Variants in SLC39A11 observed in about 807,000 individuals in gnomAD.
SLC39A11 encodes solute carrier family 39 member 11.
In SLC39A11, 33 loss-of-function variants were observed where a neutral mutation model predicts 36.1. That is an observed-to-expected ratio of 0.91 (90% CI 0.69 to 1.22). The LOEUF is 1.22. SLC39A11 is among the 50% of genes most tolerant of loss of function. The pLI is 0.00. For synonymous variants in SLC39A11, 166 were observed against 170.3 expected, an observed-to-expected ratio of 0.97 and a Z score of 0.20; for missense variants, 432 against 430.3, an observed-to-expected ratio of 1.00 and a Z score of -0.03.
At chr17:73,014,307 C>A (rs1267225001) in intron 4 of SLC39A11, among the ~76,000 whole-genome samples, 2 of 152,154 alleles carry the variant, frequency 1.3e-5, no homozygotes, top group Admixed American at 6.6e-5. Context: ...CACTCCCTAT[C>A]CCGGTGCAAT....
intron 6 of SLC39A11, among the ~76,000 whole-genome samples, chr17:72,845,007 A>T (rs1048071409): frequency 6.6e-6 from 1 of 152,054 alleles, no homozygotes; most frequent in African/African-American, 2.4e-5. Flanking sequence ...TCCACCTTCA[A>T]TCGGGACCCA....
At chr17:72,945,490 A>G (rs1227605902) in intron 5 of SLC39A11, among the ~76,000 whole-genome samples, 1 of 152,174 alleles carries the variant, frequency 6.6e-6, no homozygotes, top group African/African-American at 2.4e-5. Context: ...CCAGTTATCA[A>G]ATAGCCATTA....
intron 5 of SLC39A11, among the ~76,000 whole-genome samples, chr17:72,914,104 C>T (rs1471625961): frequency 3.3e-5 from 5 of 151,386 alleles, no homozygotes; most frequent in Non-Finnish European, 7.4e-5. Context: ...CACCTGAGAT[C>T]AGGAGATCAA....
intron 4 of SLC39A11, among the ~76,000 whole-genome samples, chr17:73,004,163 AAAAG>A (rs1268703786): frequency 0.02 from 1,978 of 100,254 alleles, 57 homozygotes; most frequent in African/African-American, 0.035. Context: ...AAGAAGGAAA[AAAAG>A]AAAGAAAGAA....
At chr17:72,797,061 T>C (rs977242028) in intron 6 of SLC39A11, among the ~76,000 whole-genome samples, 1 of 152,118 alleles carries the variant, frequency 6.6e-6, no homozygotes, top group East Asian at 1.9e-4. Context: ...AACAGTGTTG[T>C]AGCTTGAAAG....
At chr17:72,674,972 A>T (rs2071188614) in intron 7 of SLC39A11, among the ~76,000 whole-genome samples, 1 of 129,574 alleles carries the variant, frequency 7.7e-6, no homozygotes. Flanking sequence ...TTGGAAAAAA[A>T]AGTGTGTGTG....
chr17:72,696,879 G>A (rs2144512420), intron 7 of SLC39A11, among the ~76,000 whole-genome samples: 1 of 152,184 alleles, frequency 6.6e-6, no homozygotes, highest in East Asian at 1.9e-4. Context: ...ATCAGCTTGC[G>A]GTTACAAGCG....
At chr17:72,936,319 A>G (rs968278168) in intron 5 of SLC39A11, among the ~76,000 whole-genome samples, 7 of 148,096 alleles carry the variant, frequency 4.7e-5, no homozygotes, top group Non-Finnish European at 8.9e-5. Context: ...AGTGTGGCTT[A>G]TACTAATGAA....
intron 3 of SLC39A11, chr17:73,068,269 G>T: frequency 1.4e-6 from 1 of 700,644 alleles, no homozygotes; most frequent in East Asian, 2.5e-5. Context: ...GCTGCAACAT[G>T]GACTGCGGCT....
At chr17:72,740,481 T>C (rs1255808661) in intron 6 of SLC39A11, among the ~76,000 whole-genome samples, 2 of 152,198 alleles carry the variant, frequency 1.3e-5, no homozygotes, top group East Asian at 3.8e-4. Flanking sequence ...GTTGTGTGTC[T>C]GAAATGGTAG....
At chr17:72,744,507 G>T (rs1269088884) in intron 6 of SLC39A11, among the ~76,000 whole-genome samples, 1 of 152,164 alleles carries the variant, frequency 6.6e-6, no homozygotes, top group African/African-American at 2.4e-5. Flanking sequence ...TAAAAAACAA[G>T]TGTTTTCTTT....
intron 3 of SLC39A11, among the ~76,000 whole-genome samples, chr17:73,081,668 C>CATATATAT (rs1568242880): frequency 2.9e-4 from 19 of 65,010 alleles, no homozygotes; most frequent in South Asian, 1.6e-3. Flanking sequence ...CACACACACA[C>CATATATAT]ACATATATAT....
intron 7 of SLC39A11, among the ~76,000 whole-genome samples, chr17:72,710,965 C>G (rs1232122623): frequency 1.3e-5 from 2 of 152,220 alleles, no homozygotes; most frequent in African/African-American, 4.8e-5. Flanking sequence ...CAATTCCAAT[C>G]ACATCCTCCC....
In SLC39A11 at chr17:72,665,389, GTT is replaced by G. The variant is rs780329919; in HGVS notation, c.672-16123_672-16122del. ...GGTTTAAGCCACCAAGTTTTGAGGT[GTT>G]TTTTTTTTTTTTTTTTTTTGAGACA... On this transcript the variant is annotated intron_variant, in intron 7 of 9. Transcript: ENST00000255559. Among the ~76,000 whole-genome samples the G allele has an allele frequency of 5.7e-3, 438 of 76,616 alleles. 8 individuals carry two copies. The highest frequency in any genetic ancestry group is 0.02 in the African/African-American group (368 of 18,818). 50.3% of individuals were successfully genotyped at this position (76,616 alleles called of 152,430 possible).
chr17:72,716,265 C>G (rs1020332846), intron 7 of SLC39A11, among the ~76,000 whole-genome samples: 27 of 151,994 alleles, frequency 1.8e-4, no homozygotes, highest in Admixed American at 1.5e-3. Context: ...TGGAATTACA[C>G]GGAAGAAAGG....
intron 4 of SLC39A11, among the ~76,000 whole-genome samples, chr17:72,994,279 A>G (rs11651356): frequency 0.54 from 82,828 of 152,010 alleles, 24,012 homozygotes; most frequent in Middle Eastern, 0.76. Flanking sequence ...AATGATGTGG[A>G]TAAATTTTAT....
intron 7 of SLC39A11, among the ~76,000 whole-genome samples, chr17:72,696,249 G>A (rs183812458): frequency 1.4e-3 from 213 of 152,144 alleles, no homozygotes; most frequent in African/African-American, 4.7e-3. Context: ...GCATGGCAAA[G>A]CCTGAGTCCC....
In SLC39A11 at chr17:72,665,389, G is replaced by GTTTTTTTTTTTT. The variant is rs780329919; in HGVS notation, c.672-16133_672-16122dup. Among the ~76,000 whole-genome samples the GTTTTTTTTTTTT allele has an allele frequency of 4.2e-3, 320 of 76,584 alleles. 33 individuals are homozygous for GTTTTTTTTTTTT. The highest frequency in any genetic ancestry group is 0.011 in the Middle Eastern group (1 of 90). 50.2% of individuals were successfully genotyped at this position (76,584 alleles called of 152,430 possible). A position where few individuals can be genotyped will look rare whatever the true frequency, so the allele number is the denominator to read the frequency against. Reference sequence around the variant, plus strand: ...GGTTTAAGCCACCAAGTTTTGAGGTGTTTTTTTTTTTTTTTTTTTTTGAGA... The same window carrying GTTTTTTTTTTTT: ...GGTTTAAGCCACCAAGTTTTGAGGTGTTTTTTTTTTTTTTTTTTTTTTTTTTTTTTTTTGAGA... On this transcript the variant is annotated intron_variant, in intron 7 of 9. Coordinates refer to ENST00000255559, the MANE Select transcript of SLC39A11 (RefSeq NM_139177.4).
Position 72,649,336 on chromosome 17 carries a change from G to GC in SLC39A11, c.672-69dup, listed in dbSNP as rs569622370. 2,860 of 1,450,394 alleles carry GC rather than the reference G, an allele frequency of 2.0e-3. 3 individuals are homozygous for GC. The highest frequency in any genetic ancestry group is 2.4e-3 in the Non-Finnish European group (2,487 of 1,054,774). The allele number at this position is 1,450,394 out of a possible 1,614,324, so 89.8% of individuals were successfully genotyped here. ...GGTGCTCACACAATGGGAGTCCCTG[G>GC]CCGAGGCCAAGACCTCCGTGGGTGC... On this transcript the variant is annotated intron_variant, in intron 7 of 9. Transcript: ENST00000255559.
Sources: gnomAD v4.1 joint callset for allele counts (sites outside exome capture counted in the v4.1 genomes callset) on GRCh38, gnomAD v4.1.1 for gene constraint, MANE v1.5 for transcripts, NCBI Gene and HGNC (gene_info 2026-07-23, HGNC 2026-07-21) for gene names.